Variants in NAT16 observed in about 807,000 individuals in gnomAD.
NAT16 encodes probable N-acetyltransferase 16.
Under a neutral mutation model 15.9 loss-of-function variants are expected in NAT16, and 16 were observed. The ratio of observed to expected loss-of-function variants is 1.01; its 90% CI spans 0.68 to 1.53. The LOEUF is 1.53. NAT16 is among the 40% of genes most tolerant of loss of function. The pLI is 0.00. For synonymous variants in NAT16, 260 were observed against 241.9 expected, an observed-to-expected ratio of 1.07 and a Z score of -0.69; for missense variants, 572 against 508.4, an observed-to-expected ratio of 1.13 and a Z score of -1.20.
At chr7:101,173,971 C>T (rs1797404003) in intron 2 of NAT16, 1 of 205,680 alleles carries the variant, frequency 4.9e-6, no homozygotes, top group Non-Finnish European at 9.6e-6. Flanking sequence ...CTCAAGTGAT[C>T]CTCCTGCCTC....
At chr7:101,175,633 A>T (rs1562875257) in intron 1 of NAT16, among the ~76,000 whole-genome samples, 1 of 150,410 alleles carries the variant, frequency 6.6e-6, no homozygotes, top group Non-Finnish European at 1.5e-5. Flanking sequence ...TTAAAAAAAA[A>T]AAAGAAGAAG....
Position 101,172,807 on chromosome 7 carries a change from G to C in NAT16, c.538-156C>G, listed in dbSNP as rs10281471. Among the ~76,000 whole-genome samples the C allele has an allele frequency of 6.6e-6, 1 of 151,966 alleles. No individual in the cohort carries two copies. The highest frequency in any genetic ancestry group is 1.5e-5 in the Non-Finnish European group (1 of 67,918). On this transcript the variant is annotated intron_variant, in intron 3 of 3. Coordinates refer to ENST00000300303, the MANE Select transcript of NAT16 (RefSeq NM_198571.3). This position sits in a 1 kb window ranked among gnomAD's most constrained non-coding sequence, Gnocchi z 4.2. The stretch of plus-strand genomic sequence containing the variant: ...ACCGTGAGGGCTCCGGGCCGAGTGG[G>C]GTATGGGAAAGCCTGGGTTTCAAGG...
At position 101,173,278 on chromosome 7, in the gene NAT16, G is replaced by C. The variant is rs937024296; in HGVS notation, c.537+18C>G. 6.8e-6 allele frequency: 11 copies of C among 1,607,400 alleles called. No homozygotes were observed. The highest frequency in any genetic ancestry group is 9.4e-6 in the Non-Finnish European group (11 of 1,174,328). ...CCAGCAGAGAGGCCCAGCCATCCGA[G>C]CTCCCTGTCCTTCTCACCTGCTTGG... On this transcript the variant is annotated intron_variant, in intron 3 of 3. Coordinates refer to ENST00000300303, the MANE Select transcript of NAT16 (RefSeq NM_198571.3).
chr7:101,174,632 G>T lies in NAT16; in HGVS notation c.176C>A (p.Thr59Lys), dbSNP rs148986263. ...EAEPLDFVVA[T>K]EREFEEVLAI... ...CAGCACTTCCTCAAACTCCCGTTCCGTGGCCACCACGAAGTCCAATGGCTC... is the reference window on the plus strand; with the variant it reads ...CAGCACTTCCTCAAACTCCCGTTCCTTGGCCACCACGAAGTCCAATGGCTC... Residue 59 changes from threonine to lysine, a missense_variant, in exon 2 of 4, where the codon ACG (threonine) becomes AAG (lysine). Physicochemically the swap from Thr to Lys is moderately conservative, Grantham distance 78 (BLOSUM62 -1). Transcript: ENST00000300303. 1 of 1,614,068 alleles carries T rather than the reference G, an allele frequency of 6.2e-7. No individual in the cohort carries two copies.
At chr7:101,179,456 TG>T (rs1429751933) in intron 1 of NAT16, among the ~76,000 whole-genome samples, 1 of 140,180 alleles carries the variant, frequency 7.1e-6, no homozygotes, top group South Asian at 2.3e-4. Context: ...CCCCGGGGTA[TG>T]GGGGGCGGGG....
chr7:101,174,911 AG>A, intron 1 of NAT16, 100 bp from the exon 2 acceptor site: 4 of 1,301,292 alleles, frequency 3.1e-6, no homozygotes, highest in Non-Finnish European at 3.9e-6. Context: ...CTACACAAAT[AG>A]CCTTTCTTTT....
At chr7:101,173,954 T>C (rs1797402939) in intron 2 of NAT16, 4 of 207,408 alleles carry the variant, frequency 1.9e-5, no homozygotes, top group Admixed American at 5.6e-5. Context: ...GGTCTGGAAC[T>C]CCTAGCCTCA....
At chr7:101,173,205 G>T in intron 3 of NAT16, 91 bp downstream of exon 3, 1 of 1,185,328 alleles carries the variant, frequency 8.4e-7, no homozygotes, top group Non-Finnish European at 1.2e-6. Context: ...CCCAGAGAGA[G>T]AGCAAGCCCG....
At position 101,172,291 on chromosome 7, in the gene NAT16, C is replaced by G. The variant is rs1410263733; in HGVS notation, c.898G>C (p.Asp300His). 1 of 1,612,170 alleles carries G rather than the reference C, an allele frequency of 6.2e-7. No individual in the cohort carries two copies. The highest frequency in any genetic ancestry group is 2.2e-5 in the East Asian group (1 of 44,796). The change falls in exon 4 of 4, where the codon GAC becomes CAC. Residue 300 changes from aspartate to histidine, a missense_variant. Physicochemically the swap from Asp to His is moderately conservative, Grantham distance 81. Coordinates refer to ENST00000300303, the MANE Select transcript of NAT16 (RefSeq NM_198571.3). This position sits in a 1 kb window ranked among gnomAD's most constrained non-coding sequence, Gnocchi z 4.2. ...GDGTWRYLNIDAFGSDGAQVQ... is the reference protein window; with the variant it reads ...GDGTWRYLNIHAFGSDGAQVQ... ...TGCGCGCCGTCGCTACCGAAGGCGT[C>G]GATGTTGAGATAGCGCCAAGTGCCG...
At chr7:101,173,789 TCA>T in intron 2 of NAT16, 1 of 485,526 alleles carries the variant, frequency 2.1e-6, no homozygotes, top group South Asian at 3.4e-5. Context: ...AGTGGTGCTA[TCA>T]CAGCTCACTG....
chr7:101,172,784 C>T lies in NAT16; in HGVS notation c.538-133G>A. On this transcript the variant is annotated intron_variant, in intron 3 of 3. Coordinates refer to ENST00000300303, the MANE Select transcript of NAT16 (RefSeq NM_198571.3). The surrounding 1 kb of genome is among the most constrained non-coding windows in gnomAD (Gnocchi z 4.2). ...ACCTGGGTCCCTCTGGAGGAGCGAC[C>T]GTGAGGGCTCCGGGCCGAGTGGGGT... is the stretch of plus-strand genomic sequence containing the variant. 1 of 717,242 alleles carries T rather than the reference C, an allele frequency of 1.4e-6. No individual in the cohort carries two copies. The highest frequency in any genetic ancestry group is 2.2e-6 in the Non-Finnish European group (1 of 463,626). The allele number at this position is 717,242 out of a possible 1,614,324, so 44.4% of individuals were successfully genotyped here.
chr7:101,173,421 G>T lies in NAT16; in HGVS notation c.412C>A (p.Leu138Met). 1 of 1,612,986 alleles carries T rather than the reference G, an allele frequency of 6.2e-7. No individual in the cohort carries two copies. The highest frequency in any genetic ancestry group is 8.5e-7 in the Non-Finnish European group (1 of 1,179,410). ...PWERGKGVAG[L>M]LQRFCSQLVK... ...AGCTGCGAGCAGAAGCGCTGCAGCA[G>T]CCCGGCCACGCCCTTCCCGCGCTCC... The change falls in exon 3 of 4, where the codon CTG becomes ATG. Residue 138 changes from leucine (L) to methionine (M), a missense_variant. Physicochemically the swap from Leu to Met is conservative, Grantham distance 15. Transcript: ENST00000300303.
At chr7:101,175,894 C>A (rs1365891722) in intron 1 of NAT16, among the ~76,000 whole-genome samples, 1 of 146,614 alleles carries the variant, frequency 6.8e-6, no homozygotes, top group Non-Finnish European at 1.5e-5. Flanking sequence ...CGCACTCCAG[C>A]CTGTGTGACA....
intron 1 of NAT16, among the ~76,000 whole-genome samples, chr7:101,175,109 C>T (rs1362942664): frequency 1.3e-5 from 2 of 152,030 alleles, no homozygotes. Flanking sequence ...TACGTGCCAC[C>T]ATGCCTGGCT....
chr7:101,173,383 C>A lies in NAT16; in HGVS notation c.450G>T (p.Gln150His), dbSNP rs1382263848. The change falls in exon 3 of 4, where the codon CAG becomes CAT. Residue 150 changes from glutamine to histidine, a missense_variant. Gln to His is a conservative substitution (Grantham distance 24, BLOSUM62 0). Transcript: ENST00000300303. ...QRFCSQLVKR[Q>H]HPGVKVARLT... ...GCCGTGCCACCTTGACCCCCGGGTG[C>A]TGTCTCTTGACCAGCTGCGAGCAGA... 6.2e-7 allele frequency: 1 copy of A among 1,613,916 alleles called. No individual in the cohort carries two copies. Among genetic ancestry groups the A allele is most frequent in the African/African-American group, 1.3e-5 (1 of 74,930 alleles).
intron 1 of NAT16, 84 bp from the exon 2 acceptor site, chr7:101,174,895 C>T: frequency 4.1e-6 from 6 of 1,456,348 alleles, no homozygotes; most frequent in Non-Finnish European, 5.4e-6. Context: ...GTCCTAATGC[C>T]CCTTCCTACA....
intron 1 of NAT16, among the ~76,000 whole-genome samples, chr7:101,177,210 T>G (rs1797487218): frequency 6.6e-6 from 1 of 152,218 alleles, no homozygotes. Context: ...ACCCATTCAT[T>G]TCATAATCAA....
chr7:101,174,428 C>T (rs1286798916), intron 2 of NAT16, 68 bp downstream of exon 2: 11 of 1,483,610 alleles, frequency 7.4e-6, no homozygotes, highest in African/African-American at 7.0e-5. Context: ...TCATCCTCCT[C>T]TTCCTAAGAT....
intron 1 of NAT16, among the ~76,000 whole-genome samples, chr7:101,179,568 G>C (rs533039503): frequency 1.3e-5 from 2 of 149,372 alleles, no homozygotes; most frequent in African/African-American, 4.9e-5. Context: ...TGAAGTGGGG[G>C]CGGGAGAGAA....
Sources: gnomAD v4.1 joint callset for allele counts (sites outside exome capture counted in the v4.1 genomes callset) on GRCh38, gnomAD v4.1.1 for gene constraint, Gnocchi (gnomAD v3.1) non-coding constraint, MANE v1.5 for transcripts, NCBI Gene and HGNC (gene_info 2026-07-23, HGNC 2026-07-21) for gene names.